The following SMC1A variants were observed in gnomAD, a reference collection of about 807,000 sequenced individuals.
SMC1A encodes the protein structural maintenance of chromosomes 1A, also known as structural maintenance of chromosomes protein 1A.
A neutral mutation model predicts 94.5 loss-of-function variants in SMC1A; 4 were observed. The observed-to-expected ratio is 0.04, with a 90% CI of 0.02 to 0.10. The LOEUF (loss-of-function observed/expected upper bound fraction) is 0.10. SMC1A is among the 10% of genes least tolerant of loss of function. The probability of loss-of-function intolerance (pLI) is 1.00; values close to 1 mark genes in which losing one functional copy is unlikely to be tolerated. For missense variants in SMC1A, 304 were observed against 989.0 expected (o/e 0.31, Z 9.29); for synonymous variants, 345 against 347.7 (o/e 0.99, Z 0.09).
Position 53,399,627 on chromosome X carries a change from C to T in SMC1A, c.2524G>A (p.Val842Met). 1 of 1,208,617 alleles carries T rather than the reference C, an allele frequency of 8.3e-7. No individual in the cohort carries two copies. Among genetic ancestry groups the T allele is most frequent in the Non-Finnish European group, 1.1e-6 (1 of 893,112 alleles). ...QDKVHMWEQTVKKDENEIEKL... is the reference protein window; with the variant it reads ...QDKVHMWEQTMKKDENEIEKL... ...TCTATCTCATTTTCATCTTTTTTCA[C>T]TGTCTGCTCCCACATGTGTACTTTA... Residue 842 changes from valine (V) to methionine (M), a missense_variant, in exon 16 of 25, where the codon GTG becomes ATG. This residue lies in a region of SMC1A where 35 missense variants were observed against 95.4 expected (regional missense o/e 0.37). Coordinates refer to ENST00000322213, the MANE Select transcript of SMC1A (RefSeq NM_006306.4).
At chrX:53,416,808 GTTAA>G (rs2075734059) in intron 1 of SMC1A, among the ~76,000 whole-genome samples, 1 of 111,482 alleles carries the variant, frequency 9.0e-6, no homozygotes, top group Non-Finnish European at 1.9e-5. Context: ...CTTAAAAATG[GTTAA>G]TTTAGGAAAT....
chrX:53,404,774 C>A (rs1177998081), intron 13 of SMC1A, among the ~76,000 whole-genome samples: 2 of 111,788 alleles, frequency 1.8e-5, no homozygotes, highest in Non-Finnish European at 3.8e-5. Flanking sequence ...TCTTAACTCG[C>A]ATTTCACAGA....
At chrX:53,394,731 T>TAG in intron 19 of SMC1A, 47 bp downstream of exon 19, 1 of 416,230 alleles carries the variant, frequency 2.4e-6, no homozygotes. Flanking sequence ...ATAGTCCCAC[T>TAG]CCCACCCAAC....
At chrX:53,416,257 C>G (rs1431619816) in intron 1 of SMC1A, among the ~76,000 whole-genome samples, 2 of 101,023 alleles carry the variant, frequency 2.0e-5, no homozygotes, top group African/African-American at 7.2e-5. Flanking sequence ...GAGCCAAGAT[C>G]GTGCCACTGC....
Position 53,380,151 on chromosome X carries a change from G to C in SMC1A, c.3654C>G (p.Phe1218Leu). The change falls in exon 25 of 25, where the codon TTC (phenylalanine) becomes TTG (leucine). Residue 1218 changes from phenylalanine to leucine, a missense_variant. Phe to Leu is a conservative substitution (Grantham distance 22, BLOSUM62 0). Around this residue, in one of 11 missense-constraint regions of SMC1A, gnomAD observed 24 missense variants for 43.5 expected, o/e 0.55. Coordinates refer to ENST00000322213, the MANE Select transcript of SMC1A (RefSeq NM_006306.4). ...GDCVISKVLTFDLTKYPDANP... is the reference protein window; with the variant it reads ...GDCVISKVLTLDLTKYPDANP... ...TGGCATCTGGGTACTTGGTGAGGTC[G>C]AAGGTCAGGACTTTGCTGATCACAC... 8.3e-7 allele frequency: 1 copy of C among 1,207,944 alleles called. No homozygotes were observed. Among genetic ancestry groups the C allele is most frequent in the Non-Finnish European group, 1.1e-6 (1 of 892,905 alleles).
At chrX:53,400,587 C>T (rs1042112228) in intron 15 of SMC1A, among the ~76,000 whole-genome samples, 3 of 111,742 alleles carry the variant, frequency 2.7e-5, no homozygotes, top group Admixed American at 1.9e-4. Context: ...ACTACAGCAT[C>T]CCAACTTCTG....
chrX:53,422,724 G>A (rs2075766304), upstream of SMC1A: 6 of 515,083 alleles, frequency 1.2e-5, no homozygotes, highest in Admixed American at 2.6e-5. Flanking sequence ...AATACGTCCA[G>A]GCCTAACGGG....
intron 1 of SMC1A, chrX:53,421,815 T>G (rs1158559705): frequency 2.0e-6 from 2 of 1,022,382 alleles, no homozygotes; most frequent in Non-Finnish European, 2.7e-6. Context: ...ACAATAAGCA[T>G]TCAACAAATT....
chrX:53,406,422 T>C (rs1462254073), intron 9 of SMC1A, among the ~76,000 whole-genome samples: 1 of 111,602 alleles, frequency 9.0e-6, no homozygotes, highest in Non-Finnish European at 1.9e-5. Flanking sequence ...AATGAATAAA[T>C]GAGTTATGTA....
intron 9 of SMC1A, among the ~76,000 whole-genome samples, chrX:53,408,371 C>T (rs1368108264): frequency 9.0e-6 from 1 of 111,324 alleles, no homozygotes; most frequent in Non-Finnish European, 1.9e-5. Context: ...CTACCAGTTC[C>T]CTTCCTGCAG....
At chrX:53,396,169 C>T in intron 18 of SMC1A, 58 bp downstream of exon 18, 2 of 1,162,539 alleles carry the variant, frequency 1.7e-6, no homozygotes, top group Non-Finnish European at 2.3e-6. Context: ...CACTTTCACT[C>T]CCCATCCCTG....
chrX:53,386,152 T>C (rs1029786991), intron 19 of SMC1A, among the ~76,000 whole-genome samples: 3 of 110,839 alleles, frequency 2.7e-5, no homozygotes, highest in African/African-American at 9.9e-5. Flanking sequence ...ATTTCCAATT[T>C]ACAGGAGATA....
intron 9 of SMC1A, among the ~76,000 whole-genome samples, chrX:53,408,669 G>A (rs1556890060): frequency 9.1e-6 from 1 of 110,138 alleles, no homozygotes; most frequent in Non-Finnish European, 1.9e-5. Context: ...ACTGCACAGA[G>A]CTACTTCCTG....
intron 22 of SMC1A, chrX:53,381,863 CCA>C (rs1248336049): frequency 6.9e-6 from 2 of 291,697 alleles, no homozygotes; most frequent in Non-Finnish European, 1.2e-5. Flanking sequence ...TCAGGGTATG[CCA>C]CAGTGATCAA....
intron 11 of SMC1A, 31 bp from the exon 12 acceptor site, chrX:53,405,422 G>C (rs1245014383): frequency 2.5e-6 from 3 of 1,209,523 alleles, no homozygotes; most frequent in African/African-American, 3.5e-5. Flanking sequence ...AGAGAAGAGG[G>C]GGAGAAGCTG....
chrX:53,401,541 C>G (rs2075670492), intron 15 of SMC1A, among the ~76,000 whole-genome samples: 1 of 111,402 alleles, frequency 9.0e-6, no homozygotes. Context: ...AACTCCCACA[C>G]AGTATTCCAG....
In SMC1A at chrX:53,394,857, C is replaced by T; in HGVS notation, c.2894G>A (p.Gly965Asp). ...ATAGATACTGGAAATTCTCTGTGAA[C>T]CACTCACTGAGTCCTCCCCCTGGGA... ...GSSQGEDSVS[G>D]SQRISSIYAR... Residue 965 changes from glycine (G) to aspartate (D), a missense_variant, in exon 19 of 25, where the codon GGT (glycine) becomes GAT (aspartate). By Grantham distance (94) the Gly-to-Asp change is moderately conservative. Transcript: ENST00000322213. 8.4e-7 allele frequency: 1 copy of T among 1,195,458 alleles called. No homozygotes were observed.
At chrX:53,392,845 A>G (rs2075635008) in intron 19 of SMC1A, among the ~76,000 whole-genome samples, 1 of 111,772 alleles carries the variant, frequency 8.9e-6, no homozygotes, top group African/African-American at 3.3e-5. Context: ...CCGGCCCTAA[A>G]TATCTATTGA....
intron 19 of SMC1A, among the ~76,000 whole-genome samples, chrX:53,383,603 C>T (rs1290512025): frequency 8.9e-6 from 1 of 112,683 alleles, no homozygotes; most frequent in Non-Finnish European, 1.9e-5. Flanking sequence ...GACCTGGAGG[C>T]TCCCACACTG....
Sources: gnomAD v4.1 joint callset for allele counts (sites outside exome capture counted in the v4.1 genomes callset) on GRCh38, gnomAD v4.1.1 for gene constraint, gnomAD v4.1.1 regional missense constraint, MANE v1.5 for transcripts, NCBI Gene and HGNC (gene_info 2026-07-23, HGNC 2026-07-21) for gene names.